The following TLK1 variants were observed in gnomAD, a reference collection of about 807,000 sequenced individuals.
TLK1 encodes the protein tousled like kinase 1, also known as serine/threonine-protein kinase tousled-like 1.
Under a neutral mutation model 105.3 loss-of-function variants are expected in TLK1, and 24 were observed. The observed-to-expected ratio is 0.23, with a 90% CI of 0.17 to 0.32. TLK1 has a LOEUF of 0.32. Among genes scored for constraint, TLK1 ranks in the 10% least tolerant of loss-of-function variants. The probability of loss-of-function intolerance (pLI) is 1.00; values close to 1 mark genes in which losing one functional copy is unlikely to be tolerated. For missense variants in TLK1, 558 were observed against 910.5 expected, an observed-to-expected ratio of 0.61 and a Z score of 4.98; for synonymous variants, 321 against 310.4, an observed-to-expected ratio of 1.03 and a Z score of -0.36.
chr2:171,171,784 A>G (rs760422299), intron 1 of TLK1, among the ~76,000 whole-genome samples: 1 of 152,230 alleles, frequency 6.6e-6, no homozygotes, highest in Non-Finnish European at 1.5e-5. Flanking sequence ...CTAAAATGAA[A>G]AATATGAAAT....
At chr2:171,201,040 C>T (rs1693389106) in intron 1 of TLK1, among the ~76,000 whole-genome samples, 1 of 151,980 alleles carries the variant, frequency 6.6e-6, no homozygotes, top group African/African-American at 2.4e-5. Flanking sequence ...TGCTAACATG[C>T]CCAGCTAAGT....
chr2:171,026,524 T>C (rs963094139), intron 12 of TLK1, among the ~76,000 whole-genome samples: 5 of 152,160 alleles, frequency 3.3e-5, no homozygotes, highest in Non-Finnish European at 5.9e-5. Flanking sequence ...ATGTAAAATG[T>C]CATCATTTAG....
intron 2 of TLK1, among the ~76,000 whole-genome samples, chr2:171,102,430 T>C (rs1322416887): frequency 6.6e-6 from 1 of 152,198 alleles, no homozygotes; most frequent in African/African-American, 2.4e-5. Context: ...TCTCCCAACA[T>C]GACAACTACA....
chr2:171,124,983 T>C (rs1382876885), intron 1 of TLK1, among the ~76,000 whole-genome samples: 2 of 152,242 alleles, frequency 1.3e-5, no homozygotes, highest in Non-Finnish European at 2.9e-5. Context: ...TGACTAGTGA[T>C]GTTGCTTCAA....
At chr2:171,131,713 TAAAG>T (rs986649166) in intron 1 of TLK1, among the ~76,000 whole-genome samples, 6 of 152,176 alleles carry the variant, frequency 3.9e-5, no homozygotes, top group African/African-American at 1.4e-4. Context: ...GAACGCATGG[TAAAG>T]AAAAATGGAA....
chr2:171,053,711 T>C, intron 8 of TLK1, 50 bp downstream of exon 8: 2 of 1,424,804 alleles, frequency 1.4e-6, no homozygotes, highest in East Asian at 2.4e-5. Flanking sequence ...AGTTTGACTG[T>C]TGCCAAATAA....
intron 1 of TLK1, among the ~76,000 whole-genome samples, chr2:171,189,829 A>AT (rs1318639929): frequency 1.6e-4 from 25 of 152,168 alleles, no homozygotes; most frequent in African/African-American, 5.6e-4. Context: ...CACCTCCAGC[A>AT]TTGTATTTGA....
Position 171,117,873 on chromosome 2 carries a change from A to AATATATATGTACAC in TLK1, c.140-30_140-17dup. The AATATATATGTACAC allele has an allele frequency of 6.5e-7, 1 of 1,549,328 alleles. No individual in the cohort carries two copies. The highest frequency in any genetic ancestry group is 8.9e-7 in the Non-Finnish European group (1 of 1,128,634). ...TCCATTGCACCTATTAAGAAAAAAA[A>AATATATATGTACAC]ATATATATGTACACATATATATGTG... On this transcript the variant is annotated splice_polypyrimidine_tract_variant and intron_variant, in intron 1 of 20. Transcript: ENST00000431350.
At chr2:171,160,894 ATCAGTTACAGGCGGCGGCGGCG>A (rs1461249068), upstream of TLK1, 1 of 280,130 alleles carries the variant, frequency 3.6e-6, no homozygotes, top group East Asian at 7.3e-5. The surrounding 1 kb of genome is among the most constrained non-coding windows in gnomAD (Gnocchi z 4.4). Flanking sequence ...TAACCTCTGC[ATCAGTTACAGGCGGCGGCGGCG>A]TCACGCGCCG....
chr2:171,051,114 T>G (rs1438944000), intron 8 of TLK1, among the ~76,000 whole-genome samples: 2 of 152,152 alleles, frequency 1.3e-5, no homozygotes, highest in East Asian at 3.9e-4. Flanking sequence ...CCCTCAGCAA[T>G]TCAAACAAAA....
At chr2:171,162,547 AAAAAAT>A (rs1242976267), upstream of TLK1, among the ~76,000 whole-genome samples, 1 of 152,200 alleles carries the variant, frequency 6.6e-6, no homozygotes, top group Non-Finnish European at 1.5e-5. Flanking sequence ...CTCTGTCTCA[AAAAAAT>A]AAAAATAAAG....
At chr2:170,997,273 T>G (rs1370641079) in intron 19 of TLK1, among the ~76,000 whole-genome samples, 3 of 152,166 alleles carry the variant, frequency 2.0e-5, no homozygotes, top group African/African-American at 7.2e-5. Flanking sequence ...AACCTGCACT[T>G]CCAACTTCAA....
chr2:171,142,677 T>C (rs955385852), intron 1 of TLK1, among the ~76,000 whole-genome samples: 1 of 152,222 alleles, frequency 6.6e-6, no homozygotes, highest in Admixed American at 6.5e-5. Context: ...TTTGGGGATA[T>C]TTTAACAAAC....
intron 1 of TLK1, among the ~76,000 whole-genome samples, chr2:171,192,235 C>T (rs1200059578): frequency 6.6e-6 from 1 of 152,032 alleles, no homozygotes; most frequent in Non-Finnish European, 1.5e-5. Flanking sequence ...TGCCATGTTG[C>T]CCAAGCTGGT....
intron 1 of TLK1, among the ~76,000 whole-genome samples, chr2:171,213,992 G>A (rs1178203088): frequency 6.6e-6 from 1 of 151,356 alleles, no homozygotes; most frequent in East Asian, 2.0e-4. Flanking sequence ...CTCACCTCTA[G>A]CAGCCATCAT....
intron 1 of TLK1, among the ~76,000 whole-genome samples, chr2:171,143,507 A>C (rs894329664): frequency 1.3e-3 from 4 of 3,196 alleles, no homozygotes; most frequent in Non-Finnish European, 3.8e-3. Context: ...CTCTATCTCC[A>C]AAAAAAAAAA....
intron 1 of TLK1, among the ~76,000 whole-genome samples, chr2:171,179,980 A>T (rs1339024087): frequency 1.3e-5 from 2 of 151,874 alleles, no homozygotes; most frequent in African/African-American, 4.8e-5. Flanking sequence ...CTGTAATGCC[A>T]GCTACTCTGG....
At chr2:171,162,430 C>T (rs1382276878), upstream of TLK1, among the ~76,000 whole-genome samples, 2 of 152,070 alleles carry the variant, frequency 1.3e-5, no homozygotes, top group East Asian at 1.9e-4. Context: ...CCCAGCTACT[C>T]GGGAGGCTGA....
chr2:171,064,223 G>C (rs1188649966), intron 3 of TLK1, among the ~76,000 whole-genome samples: 2 of 152,154 alleles, frequency 1.3e-5, no homozygotes, highest in East Asian at 3.8e-4. Context: ...TGCCCCAGAA[G>C]TTATTAAAGG....
Sources: gnomAD v4.1 joint callset for allele counts (sites outside exome capture counted in the v4.1 genomes callset) on GRCh38, gnomAD v4.1.1 for gene constraint, Gnocchi (gnomAD v3.1) non-coding constraint, MANE v1.5 for transcripts, NCBI Gene and HGNC (gene_info 2026-07-23, HGNC 2026-07-21) for gene names.